The following MYO6 variants were observed in gnomAD, a reference collection of about 807,000 sequenced individuals.
The protein encoded by MYO6 is myosin VI.
In MYO6, 74 loss-of-function variants were observed where a neutral mutation model predicts 178.7. The ratio of observed to expected loss-of-function variants is 0.41; its 90% confidence interval spans 0.34 to 0.50. The LOEUF (loss-of-function observed/expected upper bound fraction) is 0.50, where lower values mean the gene tolerates loss of function less well. Ranked by LOEUF, MYO6 falls within the 20% of genes least tolerant of loss-of-function variation. MYO6 has a pLI of 0.09. For synonymous variants in MYO6, 477 were observed against 504.6 expected (o/e 0.95, Z 0.73); for missense variants, 1,330 against 1,547.4 (o/e 0.86, Z 2.36).
chr6:75,827,193 G>A (rs1772564705), intron 3 of MYO6, among the ~76,000 whole-genome samples: 1 of 152,134 alleles, frequency 6.6e-6, no homozygotes, highest in African/African-American at 2.4e-5. Context: ...GGCAGTGTGT[G>A]GTAAGAACCA....
At chr6:75,781,596 C>A (rs1356523139) in intron 1 of MYO6, among the ~76,000 whole-genome samples, 1 of 151,998 alleles carries the variant, frequency 6.6e-6, no homozygotes, top group African/African-American at 2.4e-5. Context: ...CCTCCAGTGT[C>A]ATTTGGAGAA....
At position 75,916,610 on chromosome 6, in the gene MYO6, T is replaced by G. The variant is rs878981527; in HGVS notation, c.*1598T>G. ...GAAGTAAATGACCTATTCTCTCTCT[T>G]CCATCTCTCGCCTTTAACTGGTGTT... is the stretch of plus-strand genomic sequence containing the variant. On this transcript the variant is annotated 3_prime_UTR_variant, in exon 35 of 35. Coordinates refer to ENST00000369977, the MANE Select transcript of MYO6 (RefSeq NM_004999.4). 1.3e-5 allele frequency: 2 copies of G among 152,614 alleles called. No homozygotes were observed. Among genetic ancestry groups the G allele is most frequent in the South Asian group, 4.1e-4 (2 of 4,836 alleles). 9.5% of individuals were successfully genotyped at this position (152,614 alleles called of 1,614,324 possible). A position where few individuals can be genotyped will look rare whatever the true frequency, so the allele number is the denominator to read the frequency against.
At chr6:75,865,671 C>T (rs1036611665) in intron 16 of MYO6, among the ~76,000 whole-genome samples, 1 of 152,054 alleles carries the variant, frequency 6.6e-6, no homozygotes, top group Non-Finnish European at 1.5e-5. Context: ...AGCCCAACAT[C>T]ACTTTTCTTA....
At chr6:75,896,501 C>T (rs1431864051) in intron 29 of MYO6, among the ~76,000 whole-genome samples, 1 of 152,174 alleles carries the variant, frequency 6.6e-6, no homozygotes, top group Non-Finnish European at 1.5e-5. Flanking sequence ...GAGCCAAGTA[C>T]AATATTCTCT....
At chr6:75,770,052 G>A (rs985253354) in intron 1 of MYO6, among the ~76,000 whole-genome samples, 1 of 152,150 alleles carries the variant, frequency 6.6e-6, no homozygotes, top group Non-Finnish European at 1.5e-5. Flanking sequence ...ACTCTGTGGG[G>A]GCTCAGACCC....
chr6:75,785,936 G>A (rs1158330067), intron 1 of MYO6, among the ~76,000 whole-genome samples: 1 of 151,372 alleles, frequency 6.6e-6, no homozygotes, highest in East Asian at 1.9e-4. Flanking sequence ...TTTTTTTTGA[G>A]ATGGAGTCTT....
At chr6:75,806,845 T>G (rs1396646874) in intron 1 of MYO6, among the ~76,000 whole-genome samples, 1 of 152,188 alleles carries the variant, frequency 6.6e-6, no homozygotes, top group African/African-American at 2.4e-5. Flanking sequence ...CGTGGGTAAA[T>G]GTCTGTTCGG....
At chr6:75,761,690 A>C (rs2149989323) in intron 1 of MYO6, among the ~76,000 whole-genome samples, 1 of 151,632 alleles carries the variant, frequency 6.6e-6, no homozygotes, top group African/African-American at 2.4e-5. Context: ...ATTATTTATT[A>C]AAGGTGTGTT....
chr6:75,888,835 C>A (rs1034754826), intron 25 of MYO6, among the ~76,000 whole-genome samples: 4 of 151,954 alleles, frequency 2.6e-5, no homozygotes, highest in African/African-American at 7.3e-5. Flanking sequence ...TTCATAGATA[C>A]GATAATGTAA....
chr6:75,851,008 A>G (rs978836386), intron 11 of MYO6, among the ~76,000 whole-genome samples: 12 of 152,166 alleles, frequency 7.9e-5, no homozygotes, highest in African/African-American at 2.9e-4. Context: ...ATGTTAGCAT[A>G]CATTTCATTT....
chr6:75,879,375 G>T (rs2149342203), intron 20 of MYO6, among the ~76,000 whole-genome samples: 1 of 151,352 alleles, frequency 6.6e-6, no homozygotes, highest in African/African-American at 2.4e-5. Context: ...CCCCTGAGTA[G>T]CTGAGACTGC....
chr6:75,820,043 C>CA lies in MYO6; in HGVS notation c.117+2388dup, dbSNP rs1171133560. 1.4e-3 allele frequency among the ~76,000 whole-genome samples: 217 copies of CA among 149,994 alleles called. 3 individuals are homozygous for CA. Among genetic ancestry groups the CA allele is most frequent in the African/African-American group, 5.1e-3 (210 of 40,910 alleles). Reference sequence around the variant, plus strand: ...TGGGTGACAGAGTGAGATCCTGTCTCAAAAAAAAAGAAAGCTATTTTAATC... The same window carrying CA: ...TGGGTGACAGAGTGAGATCCTGTCTCAAAAAAAAAAGAAAGCTATTTTAATC... On this transcript the variant is annotated intron_variant, in intron 2 of 34. Coordinates refer to ENST00000369977, the MANE Select transcript of MYO6 (RefSeq NM_004999.4).
At chr6:75,812,341 G>T (rs541719384) in intron 1 of MYO6, among the ~76,000 whole-genome samples, 1 of 152,194 alleles carries the variant, frequency 6.6e-6, no homozygotes, top group Admixed American at 6.5e-5. Flanking sequence ...CATAGTAGGT[G>T]TGTATATTAT....
Position 75,917,473 on chromosome 6 carries a change from A to G in MYO6, c.*2461A>G, listed in dbSNP as rs561208287. The G allele has an allele frequency of 3.9e-5, 6 of 152,450 alleles. No homozygotes were observed. Among genetic ancestry groups the G allele is most frequent in the Non-Finnish European group, 5.9e-5 (4 of 68,046 alleles). 9.4% of individuals were successfully genotyped at this position (152,450 alleles called of 1,614,324 possible). On this transcript the variant is annotated 3_prime_UTR_variant, in exon 35 of 35. Coordinates refer to ENST00000369977, the MANE Select transcript of MYO6 (RefSeq NM_004999.4). The stretch of plus-strand genomic sequence containing the variant: ...TTATGAGTTATGGGAACTAATTGAG[A>G]AAAGGAAGTTACTCTAATCCACGTA...
At chr6:75,755,825 C>A (rs1157882322) in intron 1 of MYO6, among the ~76,000 whole-genome samples, 1 of 152,164 alleles carries the variant, frequency 6.6e-6, no homozygotes, top group Non-Finnish European at 1.5e-5. Flanking sequence ...AGCCCCTGTA[C>A]TGACATTTTA....
intron 19 of MYO6, 83 bp from the exon 20 acceptor site, chr6:75,873,122 TGC>T: frequency 9.7e-7 from 1 of 1,032,426 alleles, no homozygotes. Flanking sequence ...AATGTTAATA[TGC>T]TTTGAAAGTT....
intron 30 of MYO6, among the ~76,000 whole-genome samples, chr6:75,899,702 CT>C (rs57012582): frequency 0.16 from 22,633 of 141,236 alleles, 1,801 homozygotes; most frequent in Non-Finnish European, 0.21. Context: ...ACACATTATT[CT>C]TTTTTTTTTT....
intron 1 of MYO6, among the ~76,000 whole-genome samples, chr6:75,800,390 A>G (rs144544891): frequency 6.6e-6 from 1 of 152,242 alleles, no homozygotes; most frequent in African/African-American, 2.4e-5. Context: ...GGATGTCCTT[A>G]ATGTATTTTC....
chr6:75,813,082 A>G (rs574145037), intron 1 of MYO6, among the ~76,000 whole-genome samples: 16 of 152,292 alleles, frequency 1.1e-4, no homozygotes, highest in Non-Finnish European at 2.1e-4. Context: ...TATTCTGTGT[A>G]CTTACTATTA....
Sources: gnomAD v4.1 joint callset for allele counts (sites outside exome capture counted in the v4.1 genomes callset) on GRCh38, gnomAD v4.1.1 for gene constraint, MANE v1.5 for transcripts, NCBI Gene and HGNC (gene_info 2026-07-23, HGNC 2026-07-21) for gene names.